The following PAQR5 variants were observed in gnomAD, a reference collection of about 807,000 sequenced individuals.
The protein encoded by PAQR5 is membrane progestin receptor gamma.
In PAQR5, 20 loss-of-function variants were observed where a neutral mutation model predicts 34.5. The ratio of observed to expected loss-of-function variants is 0.58; its 90% CI spans 0.41 to 0.84. The LOEUF is 0.84. Among genes scored for constraint, PAQR5 ranks in the 40% least tolerant of loss-of-function variants. The pLI is 0.00. For synonymous variants in PAQR5, 131 were observed against 155.6 expected, an observed-to-expected ratio of 0.84 and a Z score of 1.18; for missense variants, 378 against 412.7, an observed-to-expected ratio of 0.92 and a Z score of 0.73.
intron 3 of PAQR5, among the ~76,000 whole-genome samples, chr15:69,377,847 G>C (rs540070082): frequency 2.0e-5 from 3 of 152,268 alleles, no homozygotes; most frequent in South Asian, 2.1e-4. Context: ...ATAGCACAAG[G>C]CTGGGCACAA....
At chr15:69,318,661 C>T (rs1217313309) in intron 1 of PAQR5, among the ~76,000 whole-genome samples, 1 of 151,874 alleles carries the variant, frequency 6.6e-6, no homozygotes, top group Non-Finnish European at 1.5e-5. Flanking sequence ...CCCTTATCTG[C>T]AAGGGAGGTA....
chr15:69,376,551 C>A (rs763936318), intron 3 of PAQR5, among the ~76,000 whole-genome samples: 1 of 152,180 alleles, frequency 6.6e-6, no homozygotes, highest in Non-Finnish European at 1.5e-5. Flanking sequence ...TTAGTCTAAG[C>A]TGGAACATCA....
At chr15:69,303,508 T>C (rs1435692166) in intron 1 of PAQR5, among the ~76,000 whole-genome samples, 1 of 152,006 alleles carries the variant, frequency 6.6e-6, no homozygotes, top group Non-Finnish European at 1.5e-5. Flanking sequence ...AGTTCTCTCT[T>C]GGTGAAAATA....
intron 6 of PAQR5, among the ~76,000 whole-genome samples, chr15:69,390,754 T>TG (rs1337361174): frequency 1.3e-5 from 2 of 152,018 alleles, no homozygotes; most frequent in Non-Finnish European, 2.9e-5. Context: ...ATGTGATGGA[T>TG]GATGGTGTTA....
In PAQR5 at chr15:69,390,360, A is replaced by ATTTTT. The variant is rs543005498; in HGVS notation, c.512+583_512+587dup. Among the ~76,000 whole-genome samples, 239 of 135,884 alleles carry ATTTTT rather than the reference A, an allele frequency of 1.8e-3. 5 individuals carry two copies. Among genetic ancestry groups the ATTTTT allele is most frequent in the South Asian group, 4.2e-3 (18 of 4,308 alleles). The allele number at this position is 135,884 out of a possible 152,430, so 89.1% of individuals were successfully genotyped here. The stretch of plus-strand genomic sequence containing the variant: ...TATTTATTTATTTATTTATTTATTT[A>ATTTTT]TTTTTTTGAGACAGGGTCTCTCTCT... On this transcript the variant is annotated intron_variant, in intron 6 of 8. Coordinates refer to ENST00000395407, the MANE Select transcript of PAQR5 (RefSeq NM_017705.4).
intron 5 of PAQR5, among the ~76,000 whole-genome samples, chr15:69,387,167 G>C (rs1424649230): frequency 6.6e-6 from 1 of 152,216 alleles, no homozygotes; most frequent in Non-Finnish European, 1.5e-5. Flanking sequence ...CCCACTGTCA[G>C]GGCCCTCATC....
chr15:69,344,329 A>G (rs1241805668), intron 2 of PAQR5, among the ~76,000 whole-genome samples: 1 of 152,344 alleles, frequency 6.6e-6, no homozygotes, highest in East Asian at 1.9e-4. Flanking sequence ...CTGTCATGCC[A>G]GAGAGAGGAA....
intron 1 of PAQR5, among the ~76,000 whole-genome samples, chr15:69,327,940 G>A (rs922113928): frequency 1.1e-4 from 16 of 151,926 alleles, no homozygotes; most frequent in African/African-American, 2.7e-4. Context: ...CACCACACCC[G>A]GCTAATTTTT....
chr15:69,308,907 T>C (rs1480199049), intron 1 of PAQR5, among the ~76,000 whole-genome samples: 1 of 152,012 alleles, frequency 6.6e-6, no homozygotes, highest in African/African-American at 2.4e-5. Context: ...ATTCTAGGGA[T>C]CTTCCAGAGG....
intron 1 of PAQR5, among the ~76,000 whole-genome samples, chr15:69,329,029 A>G (rs1308765616): frequency 6.6e-6 from 1 of 152,254 alleles, no homozygotes; most frequent in Non-Finnish European, 1.5e-5. Context: ...AGCCACGCCA[A>G]CAAATCCTGC....
intron 3 of PAQR5, among the ~76,000 whole-genome samples, chr15:69,362,257 G>A (rs907201135): frequency 4.6e-5 from 7 of 152,184 alleles, no homozygotes; most frequent in Admixed American, 6.5e-5. Context: ...GCACTAGCTA[G>A]AGGCAGAAGA....
chr15:69,325,959 TA>T, intron 1 of PAQR5, among the ~76,000 whole-genome samples: 2 of 152,294 alleles, frequency 1.3e-5, no homozygotes, highest in South Asian at 4.1e-4. Flanking sequence ...GGACCTCAGG[TA>T]TTCCCTGGGG....
rs138318190 is a variant in PAQR5, at chr15:69,329,824, G to A, written c.-276-7517G>A. On this transcript the variant is annotated intron_variant, in intron 1 of 8. Transcript: ENST00000395407. The stretch of plus-strand genomic sequence containing the variant: ...TTAAATCATCCTAAAAGTTTTTGCC[G>A]CTGATGGCTCACTCTCCTGAATGTG... 2.6e-3 allele frequency among the ~76,000 whole-genome samples: 401 copies of A among 152,136 alleles called. 2 individuals are homozygous for A. The highest frequency in any genetic ancestry group is 9.3e-3 in the African/African-American group (386 of 41,508).
intron 1 of PAQR5, among the ~76,000 whole-genome samples, chr15:69,324,141 A>AAAG (rs1566999004): frequency 6.9e-6 from 1 of 144,860 alleles, no homozygotes; most frequent in Non-Finnish European, 1.5e-5. Flanking sequence ...AAAAAAAAAA[A>AAAG]AAAGAAAAAA....
rs2054134603 is a variant in PAQR5 at position 69,322,738 on chromosome 15, A to AAGG, written c.-276-14601_-276-14600insGAG. 6.8e-5 allele frequency among the ~76,000 whole-genome samples: 2 copies of AAGG among 29,368 alleles called. 1 individual carries two copies. Among genetic ancestry groups the AAGG allele is most frequent in the East Asian group, 3.0e-3 (2 of 674 alleles). 19.3% of individuals were successfully genotyped at this position (29,368 alleles called of 152,430 possible). On this transcript the variant is annotated intron_variant, in intron 1 of 8. Transcript: ENST00000395407. ...GAAGAAGAAGAAGAAGAAGAAGAAG[A>AAGG]AGAAGAAGAAGAAGAAGAAGAAGAA...
intron 5 of PAQR5, among the ~76,000 whole-genome samples, chr15:69,386,759 T>TC (rs149013854): frequency 0.058 from 8,811 of 151,922 alleles, 553 homozygotes; most frequent in African/African-American, 0.14. Flanking sequence ...CTGCATCTCT[T>TC]CCACCTCCGG....
Position 69,300,807 on chromosome 15 carries a change from T to TTTCCTTCCTTCCTTCCTTCC in PAQR5, c.-277+1758_-277+1777dup, listed in dbSNP as rs56373718. Among the ~76,000 whole-genome samples, 2 of 23,390 alleles carry TTTCCTTCCTTCCTTCCTTCC rather than the reference T, an allele frequency of 8.6e-5. 1 individual carries two copies. The highest frequency in any genetic ancestry group is 4.2e-3 in the South Asian group (2 of 478). 15.3% of individuals were successfully genotyped at this position (23,390 alleles called of 152,430 possible). A position where few individuals can be genotyped will look rare whatever the true frequency, so the allele number is the denominator to read the frequency against. On this transcript the variant is annotated intron_variant, in intron 1 of 8. Transcript: ENST00000395407. The stretch of plus-strand genomic sequence containing the variant: ...CTCTCTTTCTTTCTTTCTTTCCTTC[T>TTTCCTTCCTTCCTTCCTTCC]TTCCTTCCTTCCTTCCTTCCTTCCT...
At position 69,360,073 on chromosome 15, in the gene PAQR5, G is replaced by T; in HGVS notation, c.-8G>T. On this transcript the variant is annotated 5_prime_UTR_variant, in exon 3 of 9. Coordinates refer to ENST00000395407, the MANE Select transcript of PAQR5 (RefSeq NM_017705.4). ...GTCACCTACTGGCCTTGCCAATCCA[G>T]CTCCAAGATGCTGAGCCTGAAGCTC... The T allele has an allele frequency of 6.2e-7, 1 of 1,613,306 alleles. No homozygotes were observed. Among genetic ancestry groups the T allele is most frequent in the South Asian group, 1.1e-5 (1 of 91,050 alleles).
rs148564966 is a variant in PAQR5 at position 69,311,825 on chromosome 15, T to G, written c.-277+12769T>G. Among the ~76,000 whole-genome samples the G allele has an allele frequency of 2.9e-3, 448 of 152,322 alleles. 4 individuals carry two copies. The highest frequency in any genetic ancestry group is 0.01 in the African/African-American group (430 of 41,568). On this transcript the variant is annotated intron_variant, in intron 1 of 8. Transcript: ENST00000395407. ...TTGGGAAATGTGGGTGATACATTCT[T>G]CTTTCAGCAACATTGCCTCTGTTAT...
Sources: gnomAD v4.1 joint callset for allele counts (sites outside exome capture counted in the v4.1 genomes callset) on GRCh38, gnomAD v4.1.1 for gene constraint, MANE v1.5 for transcripts, NCBI Gene and HGNC (gene_info 2026-07-23, HGNC 2026-07-21) for gene names.